Variants in SDK1 observed in about 807,000 individuals in gnomAD.
The protein encoded by SDK1 is protein sidekick-1.
Under a neutral mutation model 245.5 loss-of-function variants are expected in SDK1, and 157 were observed. The observed-to-expected ratio is 0.64, with a 90% CI of 0.56 to 0.73. The LOEUF is 0.73. Ranked by LOEUF, SDK1 falls within the 30% of genes least tolerant of loss-of-function variation. The pLI is 0.00. For synonymous variants in SDK1, 1,647 were observed against 1,278.5 expected (o/e 1.29, Z -6.15); for missense variants, 3,583 against 3,002.3 (o/e 1.19, Z -4.52).
At chr7:3,610,048 C>A (rs756555334) in intron 1 of SDK1, among the ~76,000 whole-genome samples, 3 of 152,194 alleles carry the variant, frequency 2.0e-5, no homozygotes, top group Non-Finnish European at 2.9e-5. Context: ...GCTCTAAACT[C>A]AAATCACATA....
At chr7:3,477,975 C>G (rs1013943427) in intron 1 of SDK1, among the ~76,000 whole-genome samples, 4 of 151,842 alleles carry the variant, frequency 2.6e-5, no homozygotes, top group Non-Finnish European at 5.9e-5. Context: ...ACTTTTTTTC[C>G]TAAACAGTTT....
intron 4 of SDK1, among the ~76,000 whole-genome samples, chr7:3,769,936 C>CTGTGTGTGTGTGTG (rs34066132): frequency 1.4e-5 from 2 of 144,650 alleles, no homozygotes; most frequent in African/African-American, 5.1e-5. Context: ...TACTTATTGT[C>CTGTGTGTGTGTGTG]TGTGTGTGTG....
intron 1 of SDK1, among the ~76,000 whole-genome samples, chr7:3,303,268 A>G (rs1779329082): frequency 6.6e-6 from 1 of 152,246 alleles, no homozygotes; most frequent in Non-Finnish European, 1.5e-5. Flanking sequence ...TAGAGCAACC[A>G]GGTTCAAGTG....
intron 22 of SDK1, among the ~76,000 whole-genome samples, chr7:4,087,645 C>G: frequency 6.6e-6 from 1 of 152,200 alleles, no homozygotes; most frequent in East Asian, 1.9e-4. Flanking sequence ...GCACTGGGCT[C>G]TCTAATCCTG....
intron 4 of SDK1, among the ~76,000 whole-genome samples, chr7:3,709,215 T>C (rs1784966873): frequency 1.3e-5 from 2 of 152,214 alleles, no homozygotes; most frequent in African/African-American, 4.8e-5. Context: ...TTCTGCTGGA[T>C]ACAAAATTCT....
intron 4 of SDK1, among the ~76,000 whole-genome samples, chr7:3,646,447 T>C (rs1021186373): frequency 3.3e-5 from 5 of 152,220 alleles, no homozygotes; most frequent in African/African-American, 7.2e-5. Context: ...ACATATCTTC[T>C]CTAATCCTCA....
intron 42 of SDK1, 52 bp downstream of exon 42, chr7:4,237,836 C>T (rs1562468409): frequency 1.9e-6 from 3 of 1,603,472 alleles, no homozygotes; most frequent in Non-Finnish European, 2.6e-6. Flanking sequence ...TCAGCCAAAA[C>T]ATAGCGTTCG....
At chr7:3,966,955 G>A (rs1782128132) in intron 9 of SDK1, among the ~76,000 whole-genome samples, 1 of 152,144 alleles carries the variant, frequency 6.6e-6, no homozygotes, top group African/African-American at 2.4e-5. Context: ...TGAAGTGCTG[G>A]GAATATAGGC....
intron 5 of SDK1, among the ~76,000 whole-genome samples, chr7:3,934,206 C>G (rs1780080222): frequency 6.6e-6 from 1 of 152,164 alleles, no homozygotes; most frequent in Non-Finnish European, 1.5e-5. Flanking sequence ...TAAGGAGGGG[C>G]CATAATTGTG....
intron 35 of SDK1, 66 bp downstream of exon 35, chr7:4,178,652 G>A (rs768012610): frequency 4.8e-5 from 56 of 1,172,754 alleles, no homozygotes; most frequent in Middle Eastern, 2.4e-4. Flanking sequence ...AGCCAGGCAC[G>A]CTGCGGCCAA....
intron 4 of SDK1, among the ~76,000 whole-genome samples, chr7:3,658,609 C>CTTTT (rs71029690): frequency 7.8e-5 from 8 of 101,968 alleles, no homozygotes; most frequent in East Asian, 2.6e-4. Context: ...CTACTATCTT[C>CTTTT]TTTTTTTTTT....
intron 1 of SDK1, among the ~76,000 whole-genome samples, chr7:3,423,214 C>T (rs1293145784): frequency 6.6e-6 from 1 of 152,094 alleles, no homozygotes; most frequent in Non-Finnish European, 1.5e-5. Context: ...CAACAATTTA[C>T]GTTTTTTATT....
Position 4,133,413 on chromosome 7 carries a change from G to A in SDK1, c.4228+990G>A, listed in dbSNP as rs570828263. ...ATGAATGAGGTGTGCCTGTCCTCAA[G>A]TTGCCCACAGTCCCGTAAGGGAGAC... On this transcript the variant is annotated intron_variant, in intron 28 of 44. Coordinates refer to ENST00000404826, the MANE Select transcript of SDK1 (RefSeq NM_152744.4). Among the ~76,000 whole-genome samples the A allele has an allele frequency of 5.1e-4, 78 of 152,350 alleles. No individual in the cohort carries two copies. The South Asian group carries it at 0.012, about 23-fold the overall frequency.
intron 34 of SDK1, among the ~76,000 whole-genome samples, chr7:4,177,383 A>G (rs1250112939): frequency 6.6e-6 from 1 of 152,224 alleles, no homozygotes; most frequent in Admixed American, 6.5e-5. Flanking sequence ...TTAAAGGTCA[A>G]TTATTCTCAC....
At chr7:3,438,210 C>T (rs895671291) in intron 1 of SDK1, among the ~76,000 whole-genome samples, 3 of 152,090 alleles carry the variant, frequency 2.0e-5, no homozygotes, top group Non-Finnish European at 4.4e-5. Flanking sequence ...CTAAACTGAA[C>T]GTTTGCTGCT....
intron 4 of SDK1, among the ~76,000 whole-genome samples, chr7:3,818,482 C>A (rs993648321): frequency 6.6e-6 from 1 of 152,168 alleles, no homozygotes; most frequent in African/African-American, 2.4e-5. Flanking sequence ...AATTGTACCA[C>A]TCAGACTAAC....
chr7:3,859,565 G>A (rs191158752), intron 5 of SDK1, among the ~76,000 whole-genome samples: 1 of 152,232 alleles, frequency 6.6e-6, no homozygotes, highest in East Asian at 1.9e-4. Context: ...CCCAAACCAA[G>A]ATGGCAGCTG....
chr7:3,447,265 A>G (rs1008444131), intron 1 of SDK1, among the ~76,000 whole-genome samples: 2 of 152,222 alleles, frequency 1.3e-5, no homozygotes, highest in African/African-American at 2.4e-5. Context: ...AATAGTAACA[A>G]TTGGAATGAT....
chr7:3,684,231 A>G (rs1784203578), intron 4 of SDK1, among the ~76,000 whole-genome samples: 1 of 152,196 alleles, frequency 6.6e-6, no homozygotes, highest in Non-Finnish European at 1.5e-5. Context: ...GGGTGAGAGA[A>G]GCTGTGCAAG....
Sources: allele counts gnomAD v4.1 joint callset (sites outside exome capture counted in the v4.1 genomes callset), GRCh38; gene constraint gnomAD v4.1.1; transcripts MANE v1.5; gene names NCBI Gene and HGNC (gene_info 2026-07-23, HGNC 2026-07-21).